Variants in NSD3 observed in about 807,000 individuals in gnomAD.
NSD3 encodes histone-lysine N-methyltransferase NSD3.
A neutral mutation model predicts 160.8 loss-of-function variants in NSD3; 24 were observed. That is an observed-to-expected ratio of 0.15 (90% CI 0.11 to 0.21). The LOEUF (loss-of-function observed/expected upper bound fraction) is 0.21. Among genes scored for constraint, NSD3 ranks in the 10% least tolerant of loss-of-function variants. The pLI, the probability that NSD3 is intolerant of heterozygous loss-of-function variation, is 1.00. For missense variants in NSD3, 1,157 were observed against 1,735.9 expected, an observed-to-expected ratio of 0.67 and a Z score of 5.93; for synonymous variants, 520 against 600.0, an observed-to-expected ratio of 0.87 and a Z score of 1.95.
chr8:38,284,157 T>C (rs888900269), intron 19 of NSD3, among the ~76,000 whole-genome samples: 1 of 152,128 alleles, frequency 6.6e-6, no homozygotes, highest in African/African-American at 2.4e-5. Flanking sequence ...AAACAGTTAA[T>C]TTCCTTCACT....
chr8:38,280,674 T>C (rs761486060), intron 20 of NSD3, among the ~76,000 whole-genome samples: 9 of 152,052 alleles, frequency 5.9e-5, no homozygotes, highest in Non-Finnish European at 1.3e-4. Flanking sequence ...GGATGTACTG[T>C]GTATCAAATA....
intron 23 of NSD3, 184 bp from the exon 24 acceptor site, chr8:38,276,066 A>C (rs1281540341): frequency 1.3e-6 from 1 of 783,910 alleles, no homozygotes; most frequent in Non-Finnish European, 2.0e-6. Flanking sequence ...GCTACTGGCC[A>C]AAACCCAACG....
chr8:38,357,118 C>CAAAAAAAAAAA (rs966483645), intron 1 of NSD3, among the ~76,000 whole-genome samples: 8 of 21,312 alleles, frequency 3.8e-4, no homozygotes, highest in Middle Eastern at 0.028. Context: ...GACACCATCT[C>CAAAAAAAAAAA]AAAAAAAAAA....
intron 19 of NSD3, among the ~76,000 whole-genome samples, chr8:38,287,715 C>T (rs928621460): frequency 6.6e-5 from 10 of 150,916 alleles, no homozygotes; most frequent in Non-Finnish European, 7.4e-5. Context: ...TGCGGTGGCA[C>T]GATCTCAACT....
chr8:38,303,890 G>C (rs895817091), intron 14 of NSD3, among the ~76,000 whole-genome samples: 5 of 152,166 alleles, frequency 3.3e-5, no homozygotes, highest in Admixed American at 6.5e-5. Flanking sequence ...AATATGGCTT[G>C]AGATAAAGCC....
chr8:38,372,525 C>T (rs1360142803), intron 1 of NSD3, among the ~76,000 whole-genome samples: 16 of 141,620 alleles, frequency 1.1e-4, no homozygotes, highest in Non-Finnish European at 1.8e-4. Context: ...GACACAGTTT[C>T]GCTCTTTCGC....
rs773322140 is a variant in NSD3, at chr8:38,316,412, C to T, written c.1856-370G>A. On this transcript the variant is annotated intron_variant, in intron 9 of 23. Transcript: ENST00000317025. This position sits in a 1 kb window ranked among gnomAD's most constrained non-coding sequence, Gnocchi z 4.5. ...GGGGGAAGACATAAAACCCAACACA[C>T]TGTGTAGCTTACAAATATGGTTGCA... 26 of 1,066,052 alleles carry T rather than the reference C, an allele frequency of 2.4e-5. No individual in the cohort carries two copies. The highest frequency in any genetic ancestry group is 1.0e-4 in the Admixed American group (2 of 19,858). The allele number at this position is 1,066,052 out of a possible 1,614,324, so 66.0% of individuals were successfully genotyped here.
chr8:38,285,320 A>G (rs983177826), intron 19 of NSD3, among the ~76,000 whole-genome samples: 7 of 152,228 alleles, frequency 4.6e-5, no homozygotes, highest in Non-Finnish European at 8.8e-5. Context: ...CCAGTTTGGC[A>G]CACATTTTCA....
intron 1 of NSD3, among the ~76,000 whole-genome samples, chr8:38,350,593 G>A (rs1810667591): frequency 6.6e-6 from 1 of 152,078 alleles, no homozygotes; most frequent in South Asian, 2.1e-4. Flanking sequence ...TTAACAAGTG[G>A]TATATATAGC....
chr8:38,292,090 G>A (rs1425455327), intron 16 of NSD3, among the ~76,000 whole-genome samples: 1 of 152,144 alleles, frequency 6.6e-6, no homozygotes, highest in Non-Finnish European at 1.5e-5. Flanking sequence ...TAAAAAAATT[G>A]AAGTTTATTT....
At chr8:38,292,123 T>C (rs1410102909) in intron 16 of NSD3, among the ~76,000 whole-genome samples, 1 of 152,248 alleles carries the variant, frequency 6.6e-6, no homozygotes, top group Non-Finnish European at 1.5e-5. Flanking sequence ...GCTTCTTACA[T>C]TGTTTTAGAT....
At chr8:38,279,394 T>C in intron 21 of NSD3, 146 bp downstream of exon 21, 1 of 1,023,398 alleles carries the variant, frequency 9.8e-7, no homozygotes, top group East Asian at 2.5e-5. Flanking sequence ...ATAACTCTCC[T>C]TTTATTTGAA....
chr8:38,343,647 G>C (rs1810437638), intron 2 of NSD3, among the ~76,000 whole-genome samples: 1 of 152,168 alleles, frequency 6.6e-6, no homozygotes, highest in Non-Finnish European at 1.5e-5. Flanking sequence ...AGGTTGCAGT[G>C]AGCCGAGACT....
chr8:38,299,603 A>G lies in NSD3; in HGVS notation c.2612-13T>C, dbSNP rs1316550343. 1 of 1,516,362 alleles carries G rather than the reference A, an allele frequency of 6.6e-7. No homozygotes were observed. Among genetic ancestry groups the G allele is most frequent in the Non-Finnish European group, 8.8e-7 (1 of 1,133,142 alleles). The allele number at this position is 1,516,362 out of a possible 1,614,324, so 93.9% of individuals were successfully genotyped here. ...TGAACTATCAGCCCTATACGAAACA[A>G]ACAGAAAGAGATGAGCTGCAATGAA... On this transcript the variant is annotated splice_polypyrimidine_tract_variant and intron_variant, in intron 14 of 23. Coordinates refer to ENST00000317025, the MANE Select transcript of NSD3 (RefSeq NM_023034.2).
At chr8:38,276,220 G>T in intron 23 of NSD3, 76 bp downstream of exon 23, 1 of 1,439,810 alleles carries the variant, frequency 6.9e-7, no homozygotes, top group Non-Finnish European at 9.6e-7. Context: ...CTATCCCATG[G>T]CATGGAATAT....
chr8:38,319,149 C>CTTTTTT lies in NSD3; in HGVS notation c.1810-210_1810-209insAAAAAA. Reference sequence around the variant, plus strand: ...GCTGCCTGTGCTGAATATCAAGTGACAACACACAGCCACATGCTCTCTAGC... The same window carrying CTTTTTT: ...GCTGCCTGTGCTGAATATCAAGTGACTTTTTTAACACACAGCCACATGCTCTCTAGC... On this transcript the variant is annotated intron_variant, in intron 8 of 23. Coordinates refer to ENST00000317025, the MANE Select transcript of NSD3 (RefSeq NM_023034.2). This position sits in a 1 kb window ranked among gnomAD's most constrained non-coding sequence, Gnocchi z 4.1. The CTTTTTT allele has an allele frequency of 1.9e-6, 1 of 528,046 alleles. No individual in the cohort carries two copies. The highest frequency in any genetic ancestry group is 3.4e-6 in the Non-Finnish European group (1 of 295,856). The allele number at this position is 528,046 out of a possible 1,614,324, so 32.7% of individuals were successfully genotyped here.
At chr8:38,312,562 G>A (rs1809559452) in intron 12 of NSD3, among the ~76,000 whole-genome samples, 1 of 152,148 alleles carries the variant, frequency 6.6e-6, no homozygotes, top group Non-Finnish European at 1.5e-5. Context: ...TCTGGTGGGA[G>A]GTGTATGGAT....
rs1809632059 is a variant in NSD3, at chr8:38,315,336, C to G, written c.2115+80G>C. ...CATAATAATTTGGAAACATATTATC[C>G]TCTTCAACAGGAGTTAAGTCTATTA... On this transcript the variant is annotated intron_variant, in intron 11 of 23. Transcript: ENST00000317025. 5 of 1,406,958 alleles carry G rather than the reference C, an allele frequency of 3.6e-6. No homozygotes were observed. The South Asian group carries it at 6.3e-5, about 18-fold the overall frequency. 87.2% of individuals were successfully genotyped at this position (1,406,958 alleles called of 1,614,324 possible). A position where few individuals can be genotyped will look rare whatever the true frequency, so the allele number is the denominator to read the frequency against.
intron 19 of NSD3, among the ~76,000 whole-genome samples, chr8:38,285,730 A>G (rs1297923977): frequency 6.6e-6 from 1 of 152,242 alleles, no homozygotes; most frequent in Non-Finnish European, 1.5e-5. Flanking sequence ...AACATTTTGC[A>G]TTATACAATG....
Sources: gnomAD v4.1 joint callset for allele counts (sites outside exome capture counted in the v4.1 genomes callset) on GRCh38, gnomAD v4.1.1 for gene constraint, Gnocchi (gnomAD v3.1) non-coding constraint, MANE v1.5 for transcripts, NCBI Gene and HGNC (gene_info 2026-07-23, HGNC 2026-07-21) for gene names.